CLYBL: variants seen among roughly 807,000 people sequenced by gnomAD.
CLYBL encodes the protein citramalyl-CoA lyase.
In CLYBL, 31 loss-of-function variants were observed where a neutral mutation model predicts 38.9. That is an observed-to-expected ratio of 0.80 (90% CI 0.60 to 1.08). The LOEUF (loss-of-function observed/expected upper bound fraction) is 1.08. Among genes scored for constraint, CLYBL ranks in the 50% least tolerant of loss-of-function variants. The pLI is 0.00. For missense variants in CLYBL, 434 were observed against 411.6 expected (o/e 1.05, Z -0.47); for synonymous variants, 171 against 158.6 (o/e 1.08, Z -0.59).
intron 1 of CLYBL, among the ~76,000 whole-genome samples, chr13:99,613,306 G>T (rs1442868620): frequency 6.6e-6 from 1 of 152,040 alleles, no homozygotes; most frequent in East Asian, 1.9e-4. Context: ...ATCTGGTAAA[G>T]AAAAAACCAG....
At chr13:99,715,617 C>T (rs982090697) in intron 1 of CLYBL, among the ~76,000 whole-genome samples, 1 of 151,956 alleles carries the variant, frequency 6.6e-6, no homozygotes, top group Non-Finnish European at 1.5e-5. Flanking sequence ...GCCTTGGCCT[C>T]CCAAAGTGCT....
intron 7 of CLYBL, chr13:99,877,576 T>C (rs1489397832): frequency 4.6e-6 from 1 of 215,320 alleles, no homozygotes; most frequent in Non-Finnish European, 8.9e-6. Context: ...TAATTCTTTT[T>C]TTTTTTTTTT....
chr13:99,770,278 G>C (rs1241266372), intron 1 of CLYBL, among the ~76,000 whole-genome samples: 1 of 151,296 alleles, frequency 6.6e-6, no homozygotes, highest in Non-Finnish European at 1.5e-5. Flanking sequence ...AGTAGAGACA[G>C]GGTTTCACCA....
At position 99,849,960 on chromosome 13, in the gene CLYBL, G is replaced by A. The variant is rs2051293436; in HGVS notation, c.250-8901G>A. 6.6e-6 allele frequency among the ~76,000 whole-genome samples: 1 copy of A among 152,006 alleles called. No individual in the cohort carries two copies. Among genetic ancestry groups the A allele is most frequent in the South Asian group, 2.1e-4 (1 of 4,818 alleles). On this transcript the variant is annotated intron_variant, in intron 2 of 8. Transcript: ENST00000339105. This position sits in a 1 kb window ranked among gnomAD's most constrained non-coding sequence, Gnocchi z 4.9. ...TGAAAATACAAAACAAAAATATCACGATCCCCCCAATCCACACCATATACA... is the reference window on the plus strand; with the variant it reads ...TGAAAATACAAAACAAAAATATCACAATCCCCCCAATCCACACCATATACA...
chr13:99,754,578 T>TTTG (rs967846658), intron 1 of CLYBL, among the ~76,000 whole-genome samples: 2 of 151,490 alleles, frequency 1.3e-5, no homozygotes, highest in South Asian at 4.2e-4. Context: ...ATGATCTTTT[T>TTTG]TTGTTGTTGT....
intron 1 of CLYBL, among the ~76,000 whole-genome samples, chr13:99,646,307 T>A (rs139602880): frequency 2.6e-5 from 4 of 152,018 alleles, no homozygotes; most frequent in African/African-American, 9.6e-5. Flanking sequence ...AGGAGTGGTG[T>A]GTTATAGGAG....
Position 99,869,921 on chromosome 13 carries a change from T to C in CLYBL, c.803-1017T>C, listed in dbSNP as rs922348682. Among the ~76,000 whole-genome samples the C allele has an allele frequency of 6.6e-6, 1 of 151,218 alleles. No homozygotes were observed. The highest frequency in any genetic ancestry group is 1.5e-5 in the Non-Finnish European group (1 of 67,964). On this transcript the variant is annotated intron_variant, in intron 6 of 8. Coordinates refer to ENST00000339105, the MANE Select transcript of CLYBL (RefSeq NM_206808.5). This position sits in a 1 kb window ranked among gnomAD's most constrained non-coding sequence, Gnocchi z 4.3. ...TCACGTAACAATATAATCTCATCAT[T>C]ATTATAACATTAAATTATGTTGCAT...
chr13:99,738,288 T>C (rs2048698481), intron 1 of CLYBL, among the ~76,000 whole-genome samples: 1 of 152,220 alleles, frequency 6.6e-6, no homozygotes, highest in Non-Finnish European at 1.5e-5. Context: ...TCTGTGTATT[T>C]GTACTGATCA....
chr13:99,789,943 A>G (rs561432308), intron 2 of CLYBL, among the ~76,000 whole-genome samples: 1 of 152,320 alleles, frequency 6.6e-6, no homozygotes, highest in East Asian at 1.9e-4. Flanking sequence ...TCCCTTTACC[A>G]TTATGTAATG....
At position 99,865,028 on chromosome 13, in the gene CLYBL, A is replaced by G; in HGVS notation, c.634+117A>G. On this transcript the variant is annotated intron_variant, in intron 5 of 8. Coordinates refer to ENST00000339105, the MANE Select transcript of CLYBL (RefSeq NM_206808.5). This position sits in a 1 kb window ranked among gnomAD's most constrained non-coding sequence, Gnocchi z 4.7. ...ACATAACAATGTATATTTGCCAACC[A>G]TGACAATGGTTTTTCATGACAATGG... 1.3e-6 allele frequency: 1 copy of G among 783,806 alleles called. No individual in the cohort carries two copies. The allele number at this position is 783,806 out of a possible 1,614,324, so 48.6% of individuals were successfully genotyped here.
chr13:99,612,017 T>C (rs570510337), intron 1 of CLYBL, among the ~76,000 whole-genome samples: 2 of 152,220 alleles, frequency 1.3e-5, no homozygotes, highest in South Asian at 2.1e-4. Flanking sequence ...TACAGTCCAA[T>C]GTTAGGCCCC....
At chr13:99,797,710 T>TG (rs1297782424) in intron 2 of CLYBL, among the ~76,000 whole-genome samples, 3 of 152,172 alleles carry the variant, frequency 2.0e-5, no homozygotes, top group African/African-American at 7.2e-5. Flanking sequence ...TTTGTGGACA[T>TG]GTGTAGCACG....
chr13:99,617,869 C>T (rs2058864391), intron 1 of CLYBL, among the ~76,000 whole-genome samples: 1 of 152,192 alleles, frequency 6.6e-6, no homozygotes, highest in African/African-American at 2.4e-5. Context: ...AGCCCTCTGT[C>T]CCTTTGTGCC....
chr13:99,646,029 A>C (rs1677590065), intron 1 of CLYBL, among the ~76,000 whole-genome samples: 1 of 152,084 alleles, frequency 6.6e-6, no homozygotes, highest in African/African-American at 2.4e-5. Context: ...TGCCATGAAC[A>C]TGCTATTAAA....
intron 2 of CLYBL, among the ~76,000 whole-genome samples, chr13:99,830,151 A>C (rs1403340566): frequency 2.0e-5 from 3 of 152,206 alleles, no homozygotes; most frequent in African/African-American, 7.2e-5. Context: ...AAATGACTAG[A>C]TAATTGTAGA....
Position 99,838,282 on chromosome 13 carries a change from A to G in CLYBL, c.250-20579A>G, listed in dbSNP as rs921533164. 3.3e-5 allele frequency among the ~76,000 whole-genome samples: 5 copies of G among 152,208 alleles called. No homozygotes were observed. In the East Asian group the frequency reaches 5.8e-4, roughly 18 times the overall value. ...TAGTAAGTTGACATATTAGGCCAGC[A>G]ATATGTTATTTTTATTCAAAAAGAA... On this transcript the variant is annotated intron_variant, in intron 2 of 8. Coordinates refer to ENST00000339105, the MANE Select transcript of CLYBL (RefSeq NM_206808.5).
intron 2 of CLYBL, among the ~76,000 whole-genome samples, chr13:99,850,745 T>G (rs2051311747): frequency 6.6e-6 from 1 of 152,192 alleles, no homozygotes; most frequent in South Asian, 2.1e-4. Context: ...AGCAGCATTA[T>G]TCACAATAAC....
intron 1 of CLYBL, among the ~76,000 whole-genome samples, chr13:99,743,559 G>A (rs945720979): frequency 3.3e-5 from 5 of 152,134 alleles, no homozygotes; most frequent in African/African-American, 9.7e-5. Context: ...AAATGTAGGC[G>A]CCATAACTGG....
intron 2 of CLYBL, among the ~76,000 whole-genome samples, chr13:99,814,147 A>G (rs923949052): frequency 1.3e-5 from 2 of 152,182 alleles, no homozygotes; most frequent in Non-Finnish European, 2.9e-5. Flanking sequence ...TTTCTATACA[A>G]ATTATATTGA....
Sources: allele counts gnomAD v4.1 joint callset (sites outside exome capture counted in the v4.1 genomes callset), GRCh38; gene constraint gnomAD v4.1.1; non-coding constraint Gnocchi (gnomAD v3.1); transcripts MANE v1.5; gene names NCBI Gene and HGNC (gene_info 2026-07-23, HGNC 2026-07-21).